PRKG2: variants seen among roughly 807,000 people sequenced by gnomAD.
The protein encoded by PRKG2 is cGMP-dependent protein kinase 2.
In PRKG2, 33 loss-of-function variants were observed where a neutral mutation model predicts 97.2. The observed-to-expected ratio is 0.34, with a 90% CI of 0.26 to 0.45. The LOEUF is 0.45. Among genes scored for constraint, PRKG2 ranks in the 20% least tolerant of loss-of-function variants. PRKG2 has a pLI of 1.00. For missense variants in PRKG2, 638 were observed against 900.0 expected (o/e 0.71, Z 3.73); for synonymous variants, 330 against 321.8 (o/e 1.03, Z -0.27).
upstream of PRKG2, among the ~76,000 whole-genome samples, chr4:81,216,891 TTGTGTGTGTGTGTGTGTGTGTGTGTG>T (rs68179456): frequency 3.2e-4 from 42 of 131,512 alleles, no homozygotes; most frequent in African/African-American, 1.1e-3. Flanking sequence ...TAGTATTCCA[TTGTGTGTGTGTGTGTGTGTGTGTGTG>T]TGTGTGTGTG....
intron 12 of PRKG2, 97 bp from the exon 13 acceptor site, chr4:81,137,579 G>A (rs1746836550): frequency 2.2e-6 from 2 of 910,840 alleles, no homozygotes; most frequent in Non-Finnish European, 3.5e-6. Context: ...TAGGAACAAT[G>A]ATACTCATCT....
intron 14 of PRKG2, among the ~76,000 whole-genome samples, chr4:81,119,101 A>G (rs1311820777): frequency 6.6e-6 from 1 of 152,128 alleles, no homozygotes; most frequent in Non-Finnish European, 1.5e-5. Context: ...CCAGTCAAGA[A>G]GCTTTTAATT....
chr4:81,124,077 G>A (rs1370832324), intron 14 of PRKG2, among the ~76,000 whole-genome samples: 1 of 152,030 alleles, frequency 6.6e-6, no homozygotes, highest in African/African-American at 2.4e-5. Context: ...TCCTTCATCA[G>A]GGATCATTTT....
chr4:81,183,841 G>C (rs1446172536), intron 2 of PRKG2, among the ~76,000 whole-genome samples: 3 of 152,110 alleles, frequency 2.0e-5, no homozygotes, highest in Non-Finnish European at 2.9e-5. Flanking sequence ...GGCTTCAGTA[G>C]GCGGTTTTCC....
chr4:81,199,808 C>T (rs1753191160), intron 2 of PRKG2, among the ~76,000 whole-genome samples: 1 of 152,188 alleles, frequency 6.6e-6, no homozygotes, highest in Non-Finnish European at 1.5e-5. Context: ...TTTTCCACAT[C>T]TTATTTAAAC....
intron 5 of PRKG2, among the ~76,000 whole-genome samples, chr4:81,167,986 C>A (rs911161228): frequency 6.6e-6 from 1 of 151,948 alleles, no homozygotes. Context: ...TTATAACTTA[C>A]ATATGTACTA....
chr4:81,120,915 T>C (rs989938194), intron 14 of PRKG2, among the ~76,000 whole-genome samples: 1 of 152,212 alleles, frequency 6.6e-6, no homozygotes, highest in African/African-American at 2.4e-5. Flanking sequence ...TTAAGTATGA[T>C]GTGAGCTGTA....
At chr4:81,090,920 T>C (rs78628702) in intron 18 of PRKG2, among the ~76,000 whole-genome samples, 1 of 152,184 alleles carries the variant, frequency 6.6e-6, no homozygotes, top group Admixed American at 6.5e-5. Flanking sequence ...TCTCAAAAAA[T>C]GTTTATTTAA....
At chr4:81,143,097 G>C in intron 10 of PRKG2, 150 bp from the exon 11 acceptor site, 1 of 1,003,440 alleles carries the variant, frequency 1.0e-6, no homozygotes, top group Non-Finnish European at 1.4e-6. Flanking sequence ...TTATGGATCA[G>C]ATTCAGTCCC....
At chr4:81,179,038 T>C (rs1018274977) in intron 2 of PRKG2, among the ~76,000 whole-genome samples, 1 of 151,832 alleles carries the variant, frequency 6.6e-6, no homozygotes, top group East Asian at 1.9e-4. Context: ...GGCAGGAGAA[T>C]TGCTTGAACC....
intron 14 of PRKG2, among the ~76,000 whole-genome samples, chr4:81,134,164 A>C (rs1039097526): frequency 2.6e-5 from 4 of 152,192 alleles, no homozygotes. Flanking sequence ...CCACAGAGAA[A>C]AATATCTTAG....
intron 9 of PRKG2, among the ~76,000 whole-genome samples, chr4:81,145,999 A>G (rs1237293252): frequency 6.6e-6 from 1 of 152,132 alleles, no homozygotes; most frequent in Non-Finnish European, 1.5e-5. Flanking sequence ...CTCCAGATCT[A>G]TTCTCTACTC....
chr4:81,109,511 C>A (rs1743689823), intron 15 of PRKG2, among the ~76,000 whole-genome samples: 1 of 152,060 alleles, frequency 6.6e-6, no homozygotes, highest in African/African-American at 2.4e-5. Context: ...GTATCATAAA[C>A]ACATATAGAA....
intron 2 of PRKG2, 30 bp from the exon 3 acceptor site, chr4:81,174,989 C>T (rs776487822): frequency 6.5e-7 from 1 of 1,530,210 alleles, no homozygotes; most frequent in Non-Finnish European, 8.9e-7. Context: ...ATGTTAGTTA[C>T]AATTAATGAA....
In PRKG2 at chr4:81,100,612, T is replaced by C. The variant is rs1374504429; in HGVS notation, c.2126+3758A>G. ...GTTAGACCTAGAACCATAAAAACCCTAGAAGAAAAATTCTAGGCAATACCA... is the reference window on the plus strand; with the variant it reads ...GTTAGACCTAGAACCATAAAAACCCCAGAAGAAAAATTCTAGGCAATACCA... On this transcript the variant is annotated intron_variant, in intron 17 of 18. Coordinates refer to ENST00000264399, the MANE Select transcript of PRKG2 (RefSeq NM_006259.3). Among the ~76,000 whole-genome samples, 3 of 152,264 alleles carry C rather than the reference T, an allele frequency of 2.0e-5. No homozygotes were observed. The East Asian group carries it at 5.8e-4, about 29-fold the overall frequency.
chr4:81,199,344 T>A (rs906561895), intron 2 of PRKG2, among the ~76,000 whole-genome samples: 4 of 152,102 alleles, frequency 2.6e-5, no homozygotes, highest in South Asian at 2.1e-4. Flanking sequence ...TTAAAAAAAA[T>A]TATTTCTGAT....
intron 9 of PRKG2, among the ~76,000 whole-genome samples, chr4:81,148,409 A>T (rs949594371): frequency 4.6e-5 from 7 of 152,184 alleles, no homozygotes; most frequent in African/African-American, 7.2e-5. Context: ...ATTAATATTG[A>T]CACACATCAC....
rs114099096 is a variant in PRKG2, at chr4:81,137,033, G to A, written c.1634+360C>T. Reference sequence around the variant, plus strand: ...GGCATCTTGCTCTGCTTTTCAGTGAGGGCTTACCCACTCCCCACCCCCACC... The same window carrying A: ...GGCATCTTGCTCTGCTTTTCAGTGAAGGCTTACCCACTCCCCACCCCCACC... On this transcript the variant is annotated intron_variant, in intron 13 of 18. Coordinates refer to ENST00000264399, the MANE Select transcript of PRKG2 (RefSeq NM_006259.3). 3.4e-3 allele frequency among the ~76,000 whole-genome samples: 520 copies of A among 152,146 alleles called. 2 individuals are homozygous for A. The highest frequency in any genetic ancestry group is 5.8e-3 in the Non-Finnish European group (392 of 68,016).
chr4:81,216,367 C>CAAAA (rs11362212), upstream of PRKG2, among the ~76,000 whole-genome samples: 3 of 137,512 alleles, frequency 2.2e-5, no homozygotes, highest in African/African-American at 5.1e-5. Context: ...ATAAAGACCT[C>CAAAA]AAAAAAAAAA....
Sources: allele counts gnomAD v4.1 joint callset (sites outside exome capture counted in the v4.1 genomes callset), GRCh38; gene constraint gnomAD v4.1.1; transcripts MANE v1.5; gene names NCBI Gene and HGNC (gene_info 2026-07-23, HGNC 2026-07-21).